DOCK7: variants seen among roughly 807,000 people sequenced by gnomAD.
The protein encoded by DOCK7 is dedicator of cytokinesis protein 7.
DOCK7 carries 138 observed loss-of-function variants against 271.0 expected under a neutral mutation model. The observed-to-expected ratio is 0.51, with a 90% CI of 0.44 to 0.59. The LOEUF (loss-of-function observed/expected upper bound fraction) is 0.59, where lower values mean the gene tolerates loss of function less well. Among genes scored for constraint, DOCK7 ranks in the 20% least tolerant of loss-of-function variants. The pLI is 0.00. For synonymous variants in DOCK7, 823 were observed against 876.1 expected (o/e 0.94, Z 1.07); for missense variants, 2,066 against 2,592.4 (o/e 0.80, Z 4.41).
At chr1:62,553,825 ACACACACAGACGTGTGCGTGCGTGCGCG>A (rs1161399929) in intron 21 of DOCK7, among the ~76,000 whole-genome samples, 6 of 122,574 alleles carry the variant, frequency 4.9e-5, no homozygotes, top group Admixed American at 8.6e-5. Flanking sequence ...TAGGAAACAC[ACACACACAGACGTGTGCGTGCGTGCGCG>A]CACACACACA....
intron 43 of DOCK7, among the ~76,000 whole-genome samples, chr1:62,481,225 A>G (rs1646116746): frequency 6.6e-6 from 1 of 152,144 alleles, no homozygotes; most frequent in Non-Finnish European, 1.5e-5. Flanking sequence ...GTGTGGTTGG[A>G]GCAGAGTAAG....
At chr1:62,553,351 TATA>T (rs1298814021) in intron 21 of DOCK7, among the ~76,000 whole-genome samples, 3 of 3,912 alleles carry the variant, frequency 7.7e-4, no homozygotes, top group African/African-American at 3.6e-3. Context: ...TATATATATA[TATA>T]TTTTTTTTTT....
At chr1:62,638,161 G>A (rs1445144424) in intron 7 of DOCK7, 1 of 152,064 alleles carries the variant, frequency 6.6e-6, no homozygotes, top group Admixed American at 6.6e-5. Context: ...TCTATTTATT[G>A]TTTGACTCTT....
At chr1:62,472,351 C>G (rs1370873211) in intron 48 of DOCK7, among the ~76,000 whole-genome samples, 2 of 152,088 alleles carry the variant, frequency 1.3e-5, no homozygotes, top group Non-Finnish European at 2.9e-5. Context: ...GTGATCCACC[C>G]GCCTCGGCCT....
chr1:62,647,790 A>C lies in DOCK7; in HGVS notation c.733-14T>G, dbSNP rs1207058165. On this transcript the variant is annotated splice_polypyrimidine_tract_variant and intron_variant, in intron 6 of 49. Coordinates refer to ENST00000635253, the MANE Select transcript of DOCK7 (RefSeq NM_001367561.1). Reference sequence around the variant, plus strand: ...TATTGGTTCTTCCTACAAATTGAAAAGCAACACCAAAATGAATATGCTTAT... The same window carrying C: ...TATTGGTTCTTCCTACAAATTGAAACGCAACACCAAAATGAATATGCTTAT... 4 of 1,558,492 alleles carry C rather than the reference A, an allele frequency of 2.6e-6. No homozygotes were observed. Among genetic ancestry groups the C allele is most frequent in the African/African-American group, 1.4e-5 (1 of 73,034 alleles).
chr1:62,615,103 T>G (rs1364663853), intron 14 of DOCK7, among the ~76,000 whole-genome samples: 6 of 151,866 alleles, frequency 4.0e-5, no homozygotes. Flanking sequence ...GTCGTACCAT[T>G]TCAAGTAACA....
chr1:62,605,503 C>A (rs1320374134), intron 14 of DOCK7: 1 of 152,366 alleles, frequency 6.6e-6, no homozygotes, highest in Admixed American at 6.6e-5. Flanking sequence ...TATCACTATA[C>A]CTTATTTGTT....
Position 62,485,456 on chromosome 1 carries a change from G to A in DOCK7, c.5508+1942C>T, listed in dbSNP as rs74076676. The A allele has an allele frequency of 1.5e-3, 1,432 of 985,312 alleles. 22 individuals are homozygous for A. In the African/African-American group the frequency reaches 0.024, roughly 16 times the overall value. The allele number at this position is 985,312 out of a possible 1,614,324, so 61.0% of individuals were successfully genotyped here. Reference sequence around the variant, plus strand: ...TGTGACTAATATATAAGCCCAGATGGGGTTTTCCTGTAAGTTGGGGAGCAA... The same window carrying A: ...TGTGACTAATATATAAGCCCAGATGAGGTTTTCCTGTAAGTTGGGGAGCAA... On this transcript the variant is annotated intron_variant, in intron 43 of 49. Coordinates refer to ENST00000635253, the MANE Select transcript of DOCK7 (RefSeq NM_001367561.1).
At chr1:62,537,413 C>T (rs548040038) in intron 28 of DOCK7, among the ~76,000 whole-genome samples, 1 of 152,012 alleles carries the variant, frequency 6.6e-6, no homozygotes, top group East Asian at 1.9e-4. Context: ...TGGTGAAACC[C>T]CGTCTCTACT....
At chr1:62,504,391 T>G (rs1000295845) in intron 37 of DOCK7, among the ~76,000 whole-genome samples, 7 of 152,202 alleles carry the variant, frequency 4.6e-5, no homozygotes, top group Non-Finnish European at 1.0e-4. Flanking sequence ...TCAATGTACA[T>G]TTATATTCTA....
At position 62,638,274 on chromosome 1, in the gene DOCK7, C is replaced by T. The variant is rs575113515; in HGVS notation, c.819-1671G>A. On this transcript the variant is annotated intron_variant, in intron 7 of 49. Coordinates refer to ENST00000635253, the MANE Select transcript of DOCK7 (RefSeq NM_001367561.1). ...CTTCTCTATGATTTATCTTCTCTTG[C>T]GCCTTTCGATGAACGAAAGTTGTCC... is the stretch of plus-strand genomic sequence containing the variant. 2.6e-5 allele frequency: 4 copies of T among 152,182 alleles called. No homozygotes were observed. The South Asian group carries it at 6.2e-4, about 24-fold the overall frequency. The allele number at this position is 152,182 out of a possible 1,614,324, so 9.4% of individuals were successfully genotyped here.
intron 1 of DOCK7, among the ~76,000 whole-genome samples, chr1:62,666,408 A>G (rs180817939): frequency 6.6e-6 from 1 of 152,292 alleles, no homozygotes; most frequent in East Asian, 1.9e-4. Flanking sequence ...TCTACATGAC[A>G]TTAATTTCCC....
intron 14 of DOCK7, chr1:62,605,021 A>T: frequency 1.9e-6 from 1 of 540,054 alleles, no homozygotes; most frequent in Non-Finnish European, 3.2e-6. Context: ...AATTCTTATA[A>T]TACTATTTGT....
intron 7 of DOCK7, among the ~76,000 whole-genome samples, chr1:62,642,390 C>T (rs1333204469): frequency 6.6e-6 from 1 of 152,150 alleles, no homozygotes; most frequent in East Asian, 1.9e-4. Context: ...AGGCGTGAGC[C>T]ACCGTGCCTG....
chr1:62,581,460 G>C (rs1218279968), intron 16 of DOCK7, among the ~76,000 whole-genome samples: 2 of 152,158 alleles, frequency 1.3e-5, no homozygotes, highest in Admixed American at 6.6e-5. Flanking sequence ...GTCAGGACAA[G>C]AGTCAAGGAT....
intron 1 of DOCK7, among the ~76,000 whole-genome samples, chr1:62,667,390 A>G (rs1161421364): frequency 6.6e-6 from 1 of 152,226 alleles, no homozygotes; most frequent in Non-Finnish European, 1.5e-5. Context: ...GACAAAGAAA[A>G]AAAGGACTAG....
chr1:62,664,578 G>A (rs1436430007), intron 1 of DOCK7, among the ~76,000 whole-genome samples: 2 of 152,014 alleles, frequency 1.3e-5, no homozygotes, highest in Admixed American at 6.6e-5. Flanking sequence ...ACTCCTACAC[G>A]GGATGTTTCG....
intron 31 of DOCK7, among the ~76,000 whole-genome samples, chr1:62,523,692 C>T (rs951498014): frequency 8.5e-5 from 13 of 152,056 alleles, no homozygotes; most frequent in Admixed American, 2.6e-4. Flanking sequence ...CATGGTGAAA[C>T]CCCATCTCTA....
chr1:62,613,953 A>G (rs1459651781), intron 14 of DOCK7, among the ~76,000 whole-genome samples: 1 of 152,162 alleles, frequency 6.6e-6, no homozygotes, highest in Non-Finnish European at 1.5e-5. Flanking sequence ...GCAGGCTGCT[A>G]TCAGAGTTAA....
Sources: gnomAD v4.1 joint callset for allele counts (sites outside exome capture counted in the v4.1 genomes callset) on GRCh38, gnomAD v4.1.1 for gene constraint, MANE v1.5 for transcripts, NCBI Gene and HGNC (gene_info 2026-07-23, HGNC 2026-07-21) for gene names.